Variants in TMEM266 observed in about 807,000 individuals in gnomAD.
The protein encoded by TMEM266 is Hv1 related protein 1.
TMEM266 carries 33 observed loss-of-function variants against 50.5 expected under a neutral mutation model. That is an observed-to-expected ratio of 0.65 (90% CI 0.50 to 0.87). TMEM266 has a LOEUF of 0.87. Among genes scored for constraint, TMEM266 ranks in the 40% least tolerant of loss-of-function variants. TMEM266 has a pLI of 0.00. For synonymous variants in TMEM266, 310 were observed against 292.3 expected (o/e 1.06, Z -0.62); for missense variants, 655 against 695.1 (o/e 0.94, Z 0.65).
At chr15:76,104,717 T>C (rs999891392) in intron 1 of TMEM266, among the ~76,000 whole-genome samples, 9 of 151,842 alleles carry the variant, frequency 5.9e-5, no homozygotes, top group African/African-American at 1.9e-4. Flanking sequence ...CAGCTGAGAG[T>C]GTGAACAGAG....
intron 1 of TMEM266, among the ~76,000 whole-genome samples, chr15:76,119,408 A>AAAAAAG (rs1555447938): frequency 6.4e-4 from 96 of 149,004 alleles, no homozygotes; most frequent in Non-Finnish European, 1.1e-3. Flanking sequence ...AAAAAAAAAA[A>AAAAAAG]AAAAGAAAAG....
intron 5 of TMEM266, among the ~76,000 whole-genome samples, chr15:76,167,247 G>A (rs2142057117): frequency 6.6e-6 from 1 of 152,224 alleles, no homozygotes; most frequent in South Asian, 2.1e-4. Context: ...GAGGCTGGCG[G>A]ATCATGAGGT....
At chr15:76,086,101 C>T (rs1596094705) in intron 1 of TMEM266, among the ~76,000 whole-genome samples, 1 of 151,286 alleles carries the variant, frequency 6.6e-6, no homozygotes, top group Non-Finnish European at 1.5e-5. Context: ...TTTATAAGAG[C>T]CAAATTGGAA....
chr15:76,197,136 G>C (rs1258135157), intron 9 of TMEM266, among the ~76,000 whole-genome samples: 1 of 152,210 alleles, frequency 6.6e-6, no homozygotes, highest in Non-Finnish European at 1.5e-5. Flanking sequence ...GAGCTGAGCT[G>C]GCACCAGTGC....
intron 9 of TMEM266, among the ~76,000 whole-genome samples, chr15:76,193,942 T>C: frequency 6.6e-6 from 1 of 152,200 alleles, no homozygotes; most frequent in Admixed American, 6.5e-5. Flanking sequence ...TTTTGGTCCC[T>C]CTCAGAGTAA....
intron 1 of TMEM266, among the ~76,000 whole-genome samples, chr15:76,121,674 C>T (rs1238769057): frequency 6.6e-6 from 1 of 152,210 alleles, no homozygotes; most frequent in African/African-American, 2.4e-5. Flanking sequence ...GCCTCGGCCT[C>T]CCAAAGTGCT....
intron 2 of TMEM266, among the ~76,000 whole-genome samples, chr15:76,136,600 A>G (rs1181825892): frequency 6.6e-6 from 1 of 151,672 alleles, no homozygotes; most frequent in Non-Finnish European, 1.5e-5. Context: ...TTTAAATTTT[A>G]CTCCTTGCCA....
chr15:76,137,620 G>A, intron 2 of TMEM266, 87 bp from the exon 3 acceptor site: 1 of 1,330,164 alleles, frequency 7.5e-7, no homozygotes, highest in Non-Finnish European at 1.1e-6. Context: ...TGGCATAGCA[G>A]CATTCTCCCT....
chr15:76,170,926 C>A, intron 6 of TMEM266, 67 bp from the exon 7 acceptor site: 1 of 1,527,986 alleles, frequency 6.5e-7, no homozygotes, highest in South Asian at 1.2e-5. Flanking sequence ...AGCTGCTTTG[C>A]CTGACTGACC....
At chr15:76,103,226 A>G (rs1381161689) in intron 1 of TMEM266, among the ~76,000 whole-genome samples, 2 of 152,224 alleles carry the variant, frequency 1.3e-5, no homozygotes, top group East Asian at 3.9e-4. Context: ...GGAGTCAGCC[A>G]GGCAGGTAGT....
At chr15:76,132,812 TA>T (rs2037531022) in intron 1 of TMEM266, among the ~76,000 whole-genome samples, 4 of 120,228 alleles carry the variant, frequency 3.3e-5, no homozygotes, top group African/African-American at 1.2e-4. Flanking sequence ...ATAATAATAG[TA>T]ATTATTATTA....
At chr15:76,089,093 C>CA (rs1213055800) in intron 1 of TMEM266, among the ~76,000 whole-genome samples, 23,949 of 45,226 alleles carry the variant, frequency 0.53, 7,994 homozygotes, top group Admixed American at 0.68. Flanking sequence ...GACTCTGTCT[C>CA]AAAAAAAAAA....
At chr15:76,060,888 T>C (rs2036289058) in intron 1 of TMEM266, among the ~76,000 whole-genome samples, 1 of 152,338 alleles carries the variant, frequency 6.6e-6, no homozygotes, top group African/African-American at 2.4e-5. Context: ...TCCTCTTTAA[T>C]GCTGCTTGGC....
intron 8 of TMEM266, among the ~76,000 whole-genome samples, chr15:76,183,202 G>A (rs371489992): frequency 3.7e-5 from 5 of 133,588 alleles, no homozygotes; most frequent in African/African-American, 1.4e-4. Context: ...TGCAACCTCT[G>A]CCTCCTGGGT....
chr15:76,134,784 T>C (rs1173859973), intron 2 of TMEM266, among the ~76,000 whole-genome samples: 1 of 152,260 alleles, frequency 6.6e-6, no homozygotes, highest in Non-Finnish European at 1.5e-5. Context: ...GAATCTGTTA[T>C]CTATTGACAC....
At chr15:76,157,042 C>T (rs4886774) in intron 4 of TMEM266, among the ~76,000 whole-genome samples, 14,093 of 152,100 alleles carry the variant, frequency 0.093, 967 homozygotes, top group Admixed American at 0.21. Context: ...AGATGAAAAA[C>T]GTTGGGGACC....
intron 1 of TMEM266, among the ~76,000 whole-genome samples, chr15:76,094,185 T>A (rs953067249): frequency 3.9e-5 from 6 of 152,114 alleles, no homozygotes; most frequent in African/African-American, 4.8e-5. Context: ...CATGAAGCCT[T>A]TGCCATTGCC....
intron 1 of TMEM266, among the ~76,000 whole-genome samples, chr15:76,074,015 C>T (rs2036572757): frequency 6.6e-6 from 1 of 151,406 alleles, no homozygotes; most frequent in Non-Finnish European, 1.5e-5. Context: ...ACTATTGCCA[C>T]ACTGGGTATA....
rs143259126 is a variant in TMEM266, at chr15:76,104,182, G to A, written c.-96-29986G>A. Among the ~76,000 whole-genome samples the A allele has an allele frequency of 9.1e-4, 133 of 145,724 alleles. 3 individuals are homozygous for A. In the East Asian group the frequency reaches 0.025, roughly 27 times the overall value. On this transcript the variant is annotated intron_variant, in intron 1 of 10. Coordinates refer to ENST00000388942, the MANE Select transcript of TMEM266 (RefSeq NM_152335.3). ...AGATCACGCCACTGCACTCCAGCCT[G>A]GTGAAAGAGTGAGATTCTGTCTCAA...
Sources: gnomAD v4.1 joint callset for allele counts (sites outside exome capture counted in the v4.1 genomes callset) on GRCh38, gnomAD v4.1.1 for gene constraint, MANE v1.5 for transcripts, NCBI Gene and HGNC (gene_info 2026-07-23, HGNC 2026-07-21) for gene names.